FAM209A: variants seen among roughly 807,000 people sequenced by gnomAD.
The protein encoded by FAM209A is family with sequence similarity 209 member A, also known as protein FAM209A.
Under a neutral mutation model 9.8 loss-of-function variants are expected in FAM209A, and 4 were observed. The ratio of observed to expected loss-of-function variants is 0.41; its 90% CI spans 0.20 to 0.94. The LOEUF (loss-of-function observed/expected upper bound fraction) is 0.94, where lower values mean the gene tolerates loss of function less well. Among genes scored for constraint, FAM209A ranks in the 40% least tolerant of loss-of-function variants. The probability of loss-of-function intolerance (pLI) is 0.32; values close to 1 mark genes in which losing one functional copy is unlikely to be tolerated. For missense variants in FAM209A, 205 were observed against 209.4 expected, an observed-to-expected ratio of 0.98 and a Z score of 0.13; for synonymous variants, 55 against 77.8, an observed-to-expected ratio of 0.71 and a Z score of 1.54.
chr20:56,526,577 G>A (rs938611499), downstream of FAM209A, among the ~76,000 whole-genome samples: 2 of 151,666 alleles, frequency 1.3e-5, no homozygotes, highest in Non-Finnish European at 2.9e-5. Context: ...CTCATTCCCT[G>A]TCAAAGGTTC....
chr20:56,531,429 G>A, the FAM209A span, among the ~76,000 whole-genome samples: 1 of 150,934 alleles, frequency 6.6e-6, no homozygotes, highest in Non-Finnish European at 1.5e-5. Flanking sequence ...CTCCCGAGTA[G>A]CTGGGATTAC....
At chr20:56,533,241 T>G in the FAM209A span, 1 of 1,572,100 alleles carries the variant, frequency 6.4e-7, no homozygotes, top group African/African-American at 1.3e-5. Context: ...GCTCAGGGCC[T>G]CTGTGACATC....
the FAM209A span, among the ~76,000 whole-genome samples, chr20:56,532,817 G>A: frequency 1.3e-5 from 2 of 152,136 alleles, no homozygotes; most frequent in South Asian, 2.1e-4. Flanking sequence ...CGGAAACCTG[G>A]ACTTTTAAAG....
At position 56,525,785 on chromosome 20, in the gene FAM209A, T is replaced by C. The variant is rs1985501830; in HGVS notation, c.250-19T>C. ...ACAAAGTTCACAATATTACTGACCT[T>C]GAGTATCTTTCCTGACAGGAGCAGA... is the stretch of plus-strand genomic sequence containing the variant. On this transcript the variant is annotated intron_variant, in intron 1 of 1. Transcript: ENST00000371328. 6.2e-7 allele frequency: 1 copy of C among 1,609,324 alleles called. No homozygotes were observed. The highest frequency in any genetic ancestry group is 8.5e-7 in the Non-Finnish European group (1 of 1,177,858).
rs548163033 is a variant in FAM209A, at chr20:56,525,954, A to C, written c.400A>C (p.Lys134Gln). The change falls in exon 2 of 2, where the codon AAA (lysine) becomes CAA (glutamine). Residue 134 changes from lysine (K) to glutamine (Q), a missense_variant. Transcript: ENST00000371328. ...MKFVSKVRNL[K>Q]RAMATGSGSN... ...ATTTGTGTCCAAAGTGCGGAATCTT[A>C]AACGTGCCATGGCAACAGGTAGTGG... 8 of 1,614,216 alleles carry C rather than the reference A, an allele frequency of 5.0e-6. No individual in the cohort carries two copies. In the African/African-American group the frequency reaches 9.3e-5, roughly 19 times the overall value.
chr20:56,532,594 C>T, the FAM209A span, among the ~76,000 whole-genome samples: 1 of 150,578 alleles, frequency 6.6e-6, no homozygotes, highest in East Asian at 2.1e-4. Context: ...AGTGATTCTC[C>T]TGTCTCAGCC....
chr20:56,526,311 G>A (rs1985529257), downstream of FAM209A, among the ~76,000 whole-genome samples: 1 of 152,142 alleles, frequency 6.6e-6, no homozygotes, highest in Admixed American at 6.6e-5. Flanking sequence ...ATAATAGTAC[G>A]TGATGAGCTC....
chr20:56,533,383 C>T, the FAM209A span: 45 of 1,614,014 alleles, frequency 2.8e-5, no homozygotes, highest in South Asian at 4.7e-4. Flanking sequence ...TTCTGTGCCT[C>T]ACCTGCAGCT....
chr20:56,533,103 C>T, the FAM209A span: 27 of 1,372,062 alleles, frequency 2.0e-5, no homozygotes, highest in South Asian at 3.4e-4. Flanking sequence ...GGCACCCCGT[C>T]GTGCCTATCC....
the FAM209A span, among the ~76,000 whole-genome samples, chr20:56,531,970 TTTTC>T: frequency 0.03 from 4,224 of 139,552 alleles, 322 homozygotes; most frequent in East Asian, 0.35. Context: ...TTTTCTTTTC[TTTTC>T]TTTTTTTTTT....
chr20:56,532,569 T>C, the FAM209A span, among the ~76,000 whole-genome samples: 2 of 147,114 alleles, frequency 1.4e-5, no homozygotes, highest in African/African-American at 5.0e-5. Context: ...TCACAACCTC[T>C]GCCTCCTGGG....
downstream of FAM209A, among the ~76,000 whole-genome samples, chr20:56,530,817 T>C (rs558227553): frequency 5.3e-5 from 8 of 151,978 alleles, no homozygotes; most frequent in Non-Finnish European, 1.2e-4. Flanking sequence ...CCATAGCTTG[T>C]AGAACTTCTT....
chr20:56,531,726 AAT>A, the FAM209A span, among the ~76,000 whole-genome samples: 4 of 151,880 alleles, frequency 2.6e-5, no homozygotes, highest in Non-Finnish European at 2.9e-5. Flanking sequence ...CCAAGGTTCA[AAT>A]GATTCTCCTG....
downstream of FAM209A, among the ~76,000 whole-genome samples, chr20:56,527,043 C>T (rs138467807): frequency 4.6e-5 from 7 of 152,290 alleles, no homozygotes; most frequent in Admixed American, 1.3e-4. Context: ...GGATATTTTA[C>T]ATGTTACTGT....
At chr20:56,528,911 T>G (rs1985648289), downstream of FAM209A, among the ~76,000 whole-genome samples, 1 of 152,108 alleles carries the variant, frequency 6.6e-6, no homozygotes, top group African/African-American at 2.4e-5. Flanking sequence ...GAAGCTGCCA[T>G]TAAAACCCAA....
chr20:56,532,533 G>C, the FAM209A span, among the ~76,000 whole-genome samples: 4 of 142,618 alleles, frequency 2.8e-5, no homozygotes, highest in African/African-American at 1.0e-4. Context: ...TGCCAGGCTG[G>C]AGTGCAGTGG....
At chr20:56,528,068 C>T (rs1353527438), downstream of FAM209A, among the ~76,000 whole-genome samples, 1 of 152,052 alleles carries the variant, frequency 6.6e-6, no homozygotes, top group Non-Finnish European at 1.5e-5. Context: ...GATTGCACCA[C>T]TGCACTCCAG....
chr20:56,530,349 C>T (rs1046433269), downstream of FAM209A, among the ~76,000 whole-genome samples: 7 of 152,168 alleles, frequency 4.6e-5, no homozygotes, highest in South Asian at 2.1e-4. Flanking sequence ...GCAGAGAGGA[C>T]GCTGGCAGGG....
intron 1 of FAM209A, 121 bp downstream of exon 1, chr20:56,525,178 G>A: frequency 5.1e-6 from 7 of 1,359,964 alleles, no homozygotes; most frequent in Non-Finnish European, 7.0e-6. Flanking sequence ...TCATGGTCCT[G>A]GGCAAAGCTG....
Sources: gnomAD v4.1 joint callset for allele counts (sites outside exome capture counted in the v4.1 genomes callset) on GRCh38, gnomAD v4.1.1 for gene constraint, MANE v1.5 for transcripts, NCBI Gene and HGNC (gene_info 2026-07-23, HGNC 2026-07-21) for gene names.